The following MYT1L variants were observed in gnomAD, a reference collection of about 807,000 sequenced individuals.
The protein encoded by MYT1L is myelin transcription factor 1 like.
MYT1L carries 12 observed loss-of-function variants against 126.7 expected under a neutral mutation model. The ratio of observed to expected loss-of-function variants is 0.09; its 90% CI spans 0.06 to 0.15. The LOEUF (loss-of-function observed/expected upper bound fraction) is 0.15. MYT1L is among the 10% of genes least tolerant of loss of function. The probability of loss-of-function intolerance (pLI) is 1.00; values close to 1 mark genes in which losing one functional copy is unlikely to be tolerated. For synonymous variants in MYT1L, 541 were observed against 604.2 expected, an observed-to-expected ratio of 0.90 and a Z score of 1.53; for missense variants, 979 against 1,585.2, an observed-to-expected ratio of 0.62 and a Z score of 6.49.
At position 2,125,745 on chromosome 2, in the gene MYT1L, T is replaced by C. The variant is rs369612491; in HGVS notation, c.-304+47127A>G. On this transcript the variant is annotated intron_variant, in intron 3 of 24. Transcript: ENST00000647738. ...TACCCTTTTGTGTTGCAGAAGACCA[T>C]AGGAAAAAAAATGAAAGGAAAGAGT... Among the ~76,000 whole-genome samples the C allele has an allele frequency of 9.9e-5, 15 of 152,138 alleles. 1 individual carries two copies. Among genetic ancestry groups the C allele is most frequent in the South Asian group, 6.2e-4 (3 of 4,812 alleles).
At chr2:2,039,374 G>A (rs1314799775) in intron 4 of MYT1L, among the ~76,000 whole-genome samples, 1 of 151,488 alleles carries the variant, frequency 6.6e-6, no homozygotes, top group East Asian at 1.9e-4. Context: ...CTGCACTCCA[G>A]CCAGGGCAAC....
chr2:2,217,295 G>A lies in MYT1L; in HGVS notation c.-420-44307C>T, dbSNP rs555584727. ...TAACAGTGAATCCAACAGCGTATAA[G>A]AAGTACAGTGCATCATGACCCAGTG... is the stretch of plus-strand genomic sequence containing the variant. On this transcript the variant is annotated intron_variant, in intron 2 of 24. Coordinates refer to ENST00000647738, the MANE Select transcript of MYT1L (RefSeq NM_001303052.2). Among the ~76,000 whole-genome samples, 5 of 152,142 alleles carry A rather than the reference G, an allele frequency of 3.3e-5. No individual in the cohort carries two copies. The South Asian group carries it at 1.0e-3, about 32-fold the overall frequency.
chr2:2,253,585 G>A (rs369503162), intron 2 of MYT1L, among the ~76,000 whole-genome samples: 3 of 152,168 alleles, frequency 2.0e-5, no homozygotes, highest in South Asian at 4.1e-4. Flanking sequence ...CAGGATCACG[G>A]AAGAGAAATG....
intron 2 of MYT1L, among the ~76,000 whole-genome samples, chr2:2,261,121 G>T (rs530071528): frequency 7.4e-5 from 11 of 148,844 alleles, no homozygotes; most frequent in African/African-American, 2.5e-4. Context: ...CTCCCTGCTG[G>T]GGTGCATGTG....
At position 1,887,465 on chromosome 2, in the gene MYT1L, A is replaced by T; in HGVS notation, c.2642+23T>A. 1 of 1,613,924 alleles carries T rather than the reference A, an allele frequency of 6.2e-7. No homozygotes were observed. Among genetic ancestry groups the T allele is most frequent in the Non-Finnish European group, 8.5e-7 (1 of 1,179,856 alleles). On this transcript the variant is annotated intron_variant, in intron 17 of 24. Transcript: ENST00000647738. The surrounding 1 kb of genome is among the most constrained non-coding windows in gnomAD (Gnocchi z 4.8). ...AATGGGAAGATTAAGAAGATTCATA[A>T]TTTCACCTCACAGCATGCTTACGTT...
intron 8 of MYT1L, among the ~76,000 whole-genome samples, chr2:1,958,381 A>G (rs1432541): frequency 0.22 from 33,530 of 151,368 alleles, 3,791 homozygotes; most frequent in East Asian, 0.3. Flanking sequence ...GAGGATGAGG[A>G]TGTGGCCACT....
chr2:1,866,973 G>GGGGAGA (rs1553276596), intron 18 of MYT1L, among the ~76,000 whole-genome samples: 15 of 95,660 alleles, frequency 1.6e-4, no homozygotes, highest in Non-Finnish European at 3.0e-4. Flanking sequence ...GAGAGAGGGA[G>GGGGAGA]GAGAGAGAGA....
rs1319225926 is a variant in MYT1L at position 1,943,153 on chromosome 2, C to T, written c.334G>A (p.Glu112Lys). Residue 112 changes from glutamate (E) to lysine (K), a missense_variant, in exon 9 of 25, where the codon GAG becomes AAG. By Grantham distance (56) the Glu-to-Lys change is moderately conservative. Transcript: ENST00000647738. This position sits in a 1 kb window ranked among gnomAD's most constrained non-coding sequence, Gnocchi z 4.4. ...TCATCCCCTGGCTCATCATTGTCCT[C>T]GGAGTACTCCTCCCCCTCATCCTCC... ...KEEDEGEEYS[E>K]DNDEPGDEDE... The T allele has an allele frequency of 1.9e-6, 3 of 1,540,054 alleles. No homozygotes were observed. Among genetic ancestry groups the T allele is most frequent in the Non-Finnish European group, 2.6e-6 (3 of 1,136,676 alleles).
At chr2:2,119,278 TAC>T (rs1461318918) in intron 3 of MYT1L, among the ~76,000 whole-genome samples, 1 of 152,214 alleles carries the variant, frequency 6.6e-6, no homozygotes, top group Non-Finnish European at 1.5e-5. Flanking sequence ...CTTTAAAAAT[TAC>T]AGAGTGCTTT....
chr2:2,142,988 T>C (rs973041011), intron 3 of MYT1L, among the ~76,000 whole-genome samples: 4 of 150,122 alleles, frequency 2.7e-5, no homozygotes, highest in African/African-American at 9.7e-5. Flanking sequence ...TGCCCGGCCA[T>C]AACTTTTTTA....
In MYT1L at chr2:1,922,631, G is replaced by T; in HGVS notation, c.1138C>A (p.Leu380Met). 6.2e-7 allele frequency: 1 copy of T among 1,613,950 alleles called. No individual in the cohort carries two copies. Among genetic ancestry groups the T allele is most frequent in the Non-Finnish European group, 8.5e-7 (1 of 1,179,870 alleles). The stretch of plus-strand genomic sequence containing the variant: ...TGCTCCTCCAGCCGCATGAGGTTCA[G>T]CATGTCCGAGTAGTTTCTGTCCGGC... The part of the protein sequence containing the change: ...RTPDRNYSDM[L>M]NLMRLEEQLS... Residue 380 changes from leucine (L) to methionine (M), a missense_variant, in exon 10 of 25, where the codon CTG (leucine) becomes ATG (methionine). By Grantham distance (15) the Leu-to-Met change is conservative (BLOSUM62 2). Transcript: ENST00000647738. The surrounding 1 kb of genome is among the most constrained non-coding windows in gnomAD (Gnocchi z 7.4).
intron 8 of MYT1L, among the ~76,000 whole-genome samples, chr2:1,976,887 G>C (rs1456392848): frequency 6.6e-6 from 1 of 152,154 alleles, no homozygotes; most frequent in African/African-American, 2.4e-5. Context: ...ACATAATAAA[G>C]TCTGCAACCC....
At position 1,848,213 on chromosome 2, in the gene MYT1L, T is replaced by C. The variant is rs988895480; in HGVS notation, c.2774+3428A>G. ...TCTCTCAGATGGGAGCTGGGAATGC[T>C]CTGCAACTGCAGACAGAATTGGAGT... On this transcript the variant is annotated intron_variant, in intron 19 of 24. Coordinates refer to ENST00000647738, the MANE Select transcript of MYT1L (RefSeq NM_001303052.2). This position sits in a 1 kb window ranked among gnomAD's most constrained non-coding sequence, Gnocchi z 4.8. Among the ~76,000 whole-genome samples the C allele has an allele frequency of 7.2e-5, 11 of 152,234 alleles. No homozygotes were observed. Among genetic ancestry groups the C allele is most frequent in the African/African-American group, 2.7e-4 (11 of 41,460 alleles).
At chr2:2,191,217 A>G (rs1248403249) in intron 2 of MYT1L, among the ~76,000 whole-genome samples, 1 of 152,184 alleles carries the variant, frequency 6.6e-6, no homozygotes, top group African/African-American at 2.4e-5. Flanking sequence ...AGGATGAAGG[A>G]GGGATGGGAA....
intron 5 of MYT1L, among the ~76,000 whole-genome samples, chr2:1,996,527 C>T (rs2061867520): frequency 6.8e-6 from 1 of 146,672 alleles, no homozygotes; most frequent in African/African-American, 2.5e-5. Flanking sequence ...TGAGTGAGGG[C>T]CGCCCTGCCT....
intron 4 of MYT1L, among the ~76,000 whole-genome samples, chr2:2,049,647 C>T (rs1558851945): frequency 6.6e-6 from 1 of 152,186 alleles, no homozygotes; most frequent in African/African-American, 2.4e-5. Flanking sequence ...ATAATTCCCA[C>T]ATGTTGTGGG....
intron 3 of MYT1L, among the ~76,000 whole-genome samples, chr2:2,056,783 C>G (rs1279553864): frequency 6.6e-6 from 1 of 152,164 alleles, no homozygotes; most frequent in Non-Finnish European, 1.5e-5. Flanking sequence ...AGCAGCCAGG[C>G]GGAAGCTCCT....
chr2:1,988,457 C>T (rs1196762524), intron 5 of MYT1L, among the ~76,000 whole-genome samples: 1 of 152,210 alleles, frequency 6.6e-6, no homozygotes, highest in Non-Finnish European at 1.5e-5. Flanking sequence ...TTCATATTCT[C>T]GAACTCCTCC....
At chr2:1,902,139 T>C (rs759220325) in intron 14 of MYT1L, among the ~76,000 whole-genome samples, 3 of 152,152 alleles carry the variant, frequency 2.0e-5, no homozygotes, top group African/African-American at 4.8e-5. Context: ...AGACACATGG[T>C]TAGATAAATA....
Sources: gnomAD v4.1 joint callset for allele counts (sites outside exome capture counted in the v4.1 genomes callset) on GRCh38, gnomAD v4.1.1 for gene constraint, Gnocchi (gnomAD v3.1) non-coding constraint, MANE v1.5 for transcripts, NCBI Gene and HGNC (gene_info 2026-07-23, HGNC 2026-07-21) for gene names.